EXOC6B: variants seen among roughly 807,000 people sequenced by gnomAD.
EXOC6B encodes SEC15 homolog B.
A neutral mutation model predicts 113.5 loss-of-function variants in EXOC6B; 54 were observed. The ratio of observed to expected loss-of-function variants is 0.48; its 90% confidence interval spans 0.38 to 0.60. The LOEUF (loss-of-function observed/expected upper bound fraction) is 0.60. Ranked by LOEUF, EXOC6B falls within the 20% of genes least tolerant of loss-of-function variation. The pLI is 0.00. For synonymous variants in EXOC6B, 357 were observed against 339.0 expected, an observed-to-expected ratio of 1.05 and a Z score of -0.58; for missense variants, 797 against 977.5, an observed-to-expected ratio of 0.82 and a Z score of 2.46.
chr2:72,698,362 G>A (rs944328032), intron 6 of EXOC6B, among the ~76,000 whole-genome samples: 7 of 152,098 alleles, frequency 4.6e-5, no homozygotes, highest in African/African-American at 1.7e-4. Context: ...CTATGACATT[G>A]GTTAAGAGAT....
rs1028803442 is a variant in EXOC6B at position 72,674,368 on chromosome 2, A to G, written c.669+43735T>C. Among the ~76,000 whole-genome samples the G allele has an allele frequency of 4.9e-4, 74 of 152,212 alleles. 1 individual carries two copies. The highest frequency in any genetic ancestry group is 3.3e-4 in the Admixed American group (5 of 15,290). On this transcript the variant is annotated intron_variant, in intron 6 of 21. Transcript: ENST00000272427. The stretch of plus-strand genomic sequence containing the variant: ...ATGATCACACTCCCCATCTTCTTAT[A>G]GAAAGTATTTTGTTAATTAATAGTC...
At chr2:72,244,453 G>A (rs1231668299) in intron 20 of EXOC6B, among the ~76,000 whole-genome samples, 2 of 151,752 alleles carry the variant, frequency 1.3e-5, no homozygotes, top group Non-Finnish European at 1.5e-5. Flanking sequence ...TACCAAAGAA[G>A]GAAGATCTAA....
At chr2:72,485,834 C>T (rs183519255) in intron 16 of EXOC6B, among the ~76,000 whole-genome samples, 150 of 152,310 alleles carry the variant, frequency 9.8e-4, no homozygotes, top group African/African-American at 3.6e-3. Flanking sequence ...CAGGTCTCTA[C>T]TACCATATTA....
intron 18 of EXOC6B, among the ~76,000 whole-genome samples, chr2:72,416,762 C>T (rs1694552081): frequency 6.6e-6 from 1 of 152,166 alleles, no homozygotes; most frequent in Non-Finnish European, 1.5e-5. Flanking sequence ...CAAACACACA[C>T]ACTCACTACT....
At chr2:72,229,074 G>A (rs1250153664) in intron 20 of EXOC6B, among the ~76,000 whole-genome samples, 2 of 152,184 alleles carry the variant, frequency 1.3e-5, no homozygotes, top group African/African-American at 2.4e-5. Flanking sequence ...CTTTTGAGAA[G>A]TGTCTGTTCA....
chr2:72,404,985 G>C (rs960341408), intron 18 of EXOC6B, among the ~76,000 whole-genome samples: 15 of 152,144 alleles, frequency 9.9e-5, no homozygotes, highest in Non-Finnish European at 1.6e-4. Flanking sequence ...TGGCTAACTA[G>C]AATAACCAAT....
At chr2:72,439,958 G>C (rs1696101968) in intron 18 of EXOC6B, among the ~76,000 whole-genome samples, 1 of 152,046 alleles carries the variant, frequency 6.6e-6, no homozygotes, top group South Asian at 2.1e-4. Context: ...GGGTTCATTT[G>C]CTCTAGTCCC....
intron 20 of EXOC6B, among the ~76,000 whole-genome samples, chr2:72,317,802 G>A (rs1217889738): frequency 3.3e-5 from 5 of 151,986 alleles, no homozygotes; most frequent in African/African-American, 7.3e-5. Flanking sequence ...GTTTCTTGTG[G>A]TTCCAAGACA....
intron 20 of EXOC6B, among the ~76,000 whole-genome samples, chr2:72,244,603 C>CAAA (rs1235176682): frequency 2.6e-5 from 4 of 151,878 alleles, no homozygotes; most frequent in Non-Finnish European, 5.9e-5. Context: ...TGAAAATTGA[C>CAAA]AAAAACCTGG....
At chr2:72,350,461 T>A (rs1294232088) in intron 19 of EXOC6B, among the ~76,000 whole-genome samples, 2 of 152,206 alleles carry the variant, frequency 1.3e-5, no homozygotes, top group Non-Finnish European at 2.9e-5. Flanking sequence ...TGCTTATAAA[T>A]GCTAATGAAT....
intron 20 of EXOC6B, among the ~76,000 whole-genome samples, chr2:72,254,900 G>A (rs780111537): frequency 6.6e-5 from 10 of 152,066 alleles, no homozygotes; most frequent in Non-Finnish European, 8.8e-5. Flanking sequence ...CACTATTTAT[G>A]GTAAAATGTG....
chr2:72,365,597 A>G (rs1173089964), intron 19 of EXOC6B, among the ~76,000 whole-genome samples: 1 of 152,212 alleles, frequency 6.6e-6, no homozygotes, highest in African/African-American at 2.4e-5. Flanking sequence ...TCAAGGCAAC[A>G]AGTATTTACA....
intron 1 of EXOC6B, among the ~76,000 whole-genome samples, chr2:72,745,324 T>C (rs762233747): frequency 1.3e-5 from 2 of 152,062 alleles, no homozygotes; most frequent in Admixed American, 6.6e-5. Flanking sequence ...TAATAAAGTT[T>C]CTACCTGCTT....
At chr2:72,299,029 C>T (rs990937608) in intron 20 of EXOC6B, among the ~76,000 whole-genome samples, 2 of 152,168 alleles carry the variant, frequency 1.3e-5, no homozygotes, top group Non-Finnish European at 2.9e-5. Flanking sequence ...GAATGTTGGC[C>T]TGCCTTGCTA....
At chr2:72,313,788 T>A (rs565519720) in intron 20 of EXOC6B, among the ~76,000 whole-genome samples, 6 of 152,268 alleles carry the variant, frequency 3.9e-5, no homozygotes, top group African/African-American at 1.4e-4. Context: ...TTTAAAAAAA[T>A]CACATTTTGA....
intron 1 of EXOC6B, among the ~76,000 whole-genome samples, chr2:72,782,825 G>T (rs953623120): frequency 6.6e-6 from 1 of 152,160 alleles, no homozygotes; most frequent in African/African-American, 2.4e-5. Context: ...ATGACATCCA[G>T]TTCCATCCAC....
At chr2:72,265,767 C>T (rs1684034804) in intron 20 of EXOC6B, among the ~76,000 whole-genome samples, 1 of 151,882 alleles carries the variant, frequency 6.6e-6, no homozygotes, top group Admixed American at 6.6e-5. Context: ...GGGTATATAC[C>T]CAGTAATGGG....
At chr2:72,671,795 G>GAA (rs1483889612) in intron 6 of EXOC6B, among the ~76,000 whole-genome samples, 33 of 114,338 alleles carry the variant, frequency 2.9e-4, no homozygotes, top group African/African-American at 8.4e-4. Flanking sequence ...AAGAAAGAAA[G>GAA]AAAGAAAGAA....
chr2:72,684,826 G>C (rs918260034), intron 6 of EXOC6B, among the ~76,000 whole-genome samples: 2 of 152,194 alleles, frequency 1.3e-5, no homozygotes, highest in African/African-American at 4.8e-5. Context: ...GGAGAGGACT[G>C]AGTGGAGAGG....
Sources: allele counts gnomAD v4.1 joint callset (sites outside exome capture counted in the v4.1 genomes callset), GRCh38; gene constraint gnomAD v4.1.1; transcripts MANE v1.5; gene names NCBI Gene and HGNC (gene_info 2026-07-23, HGNC 2026-07-21).